SNTG1: variants seen among roughly 807,000 people sequenced by gnomAD.
SNTG1 encodes gamma-1-syntrophin.
A neutral mutation model predicts 74.7 loss-of-function variants in SNTG1; 39 were observed. The ratio of observed to expected loss-of-function variants is 0.52; its 90% CI spans 0.40 to 0.68. SNTG1 has a LOEUF of 0.68. Among genes scored for constraint, SNTG1 ranks in the 30% least tolerant of loss-of-function variants. SNTG1 has a pLI of 0.00. For synonymous variants in SNTG1, 254 were observed against 217.1 expected, an observed-to-expected ratio of 1.17 and a Z score of -1.49; for missense variants, 685 against 609.5, an observed-to-expected ratio of 1.12 and a Z score of -1.30.
At chr8:50,538,758 T>C (rs2094325738) in intron 11 of SNTG1, among the ~76,000 whole-genome samples, 1 of 152,170 alleles carries the variant, frequency 6.6e-6, no homozygotes, top group Non-Finnish European at 1.5e-5. Context: ...CCTTTATTCC[T>C]TCAAACACTT....
intron 2 of SNTG1, among the ~76,000 whole-genome samples, chr8:50,229,773 G>T (rs903568218): frequency 1.3e-5 from 2 of 151,388 alleles, no homozygotes; most frequent in African/African-American, 4.8e-5. Flanking sequence ...AGTGGCAAGA[G>T]AATTCAAATT....
chr8:50,333,670 T>C (rs2091042695), intron 2 of SNTG1, among the ~76,000 whole-genome samples: 1 of 152,220 alleles, frequency 6.6e-6, no homozygotes, highest in Non-Finnish European at 1.5e-5. Context: ...TCGCTTGAGT[T>C]CCCATCATGA....
chr8:50,030,400 C>T (rs932895471), intron 1 of SNTG1, among the ~76,000 whole-genome samples: 4 of 151,948 alleles, frequency 2.6e-5, no homozygotes, highest in Admixed American at 2.6e-4. Context: ...TGAGGTATTA[C>T]TCTCTAAGAA....
At chr8:50,642,257 A>G (rs1211684989) in intron 13 of SNTG1, among the ~76,000 whole-genome samples, 3 of 152,252 alleles carry the variant, frequency 2.0e-5, no homozygotes, top group Non-Finnish European at 4.4e-5. Flanking sequence ...CCTGCTGCCA[A>G]TGTTTCAAGT....
At chr8:50,692,368 C>T (rs1468868120) in intron 15 of SNTG1, among the ~76,000 whole-genome samples, 5 of 151,918 alleles carry the variant, frequency 3.3e-5, no homozygotes, top group Admixed American at 1.3e-4. Context: ...TTTTTTTTCC[C>T]ATCTTTGTGG....
chr8:50,080,259 T>C (rs1822284639), intron 1 of SNTG1, among the ~76,000 whole-genome samples: 1 of 152,206 alleles, frequency 6.6e-6, no homozygotes, highest in African/African-American at 2.4e-5. Context: ...ATCTATTTTG[T>C]CTGTTATTGA....
intron 1 of SNTG1, among the ~76,000 whole-genome samples, chr8:50,038,560 G>T (rs778447812): frequency 1.6e-4 from 24 of 152,052 alleles, no homozygotes; most frequent in Admixed American, 6.5e-4. Context: ...CATTGATTTA[G>T]ATCATTTTTC....
chr8:50,442,003 A>G (rs764631070), intron 5 of SNTG1, among the ~76,000 whole-genome samples: 1 of 152,214 alleles, frequency 6.6e-6, no homozygotes, highest in Non-Finnish European at 1.5e-5. Context: ...AAGCAAAAGT[A>G]AAGCCCGAAA....
chr8:50,498,188 A>G (rs542434158), intron 8 of SNTG1, among the ~76,000 whole-genome samples: 1 of 151,880 alleles, frequency 6.6e-6, no homozygotes, highest in South Asian at 2.1e-4. Flanking sequence ...TTGCTAAATT[A>G]TTTTCCAAAA....
chr8:50,786,227 A>T (rs2095674756), intron 18 of SNTG1, among the ~76,000 whole-genome samples: 1 of 152,018 alleles, frequency 6.6e-6, no homozygotes, highest in African/African-American at 2.4e-5. Context: ...TTTATATGTT[A>T]GCAATGGATT....
chr8:50,781,799 T>C (rs1447167235), intron 18 of SNTG1, among the ~76,000 whole-genome samples: 1 of 152,228 alleles, frequency 6.6e-6, no homozygotes, highest in African/African-American at 2.4e-5. Context: ...CTTCCTAGCC[T>C]TGATGGTCTT....
chr8:50,269,077 T>A (rs900202218), intron 2 of SNTG1, among the ~76,000 whole-genome samples: 1 of 152,174 alleles, frequency 6.6e-6, no homozygotes, highest in Non-Finnish European at 1.5e-5. Context: ...ACCTTACATC[T>A]TATACAAAAT....
intron 1 of SNTG1, among the ~76,000 whole-genome samples, chr8:50,021,032 G>A (rs1482931858): frequency 1.3e-5 from 2 of 152,100 alleles, no homozygotes. Context: ...TTAATCTACT[G>A]TGATGAATAT....
At chr8:50,489,745 G>T (rs2093833660) in intron 8 of SNTG1, among the ~76,000 whole-genome samples, 1 of 152,220 alleles carries the variant, frequency 6.6e-6, no homozygotes, top group African/African-American at 2.4e-5. Context: ...ACCGATGATA[G>T]TTTCTTTGGC....
intron 2 of SNTG1, among the ~76,000 whole-genome samples, chr8:50,194,203 T>C (rs577508026): frequency 6.6e-6 from 1 of 152,296 alleles, no homozygotes; most frequent in South Asian, 2.1e-4. Context: ...TAGGGAGGTT[T>C]CCTTCTTCCT....
At chr8:50,771,726 GC>G in intron 18 of SNTG1, among the ~76,000 whole-genome samples, 1 of 152,140 alleles carries the variant, frequency 6.6e-6, no homozygotes, top group Non-Finnish European at 1.5e-5. Context: ...CTCATCACAG[GC>G]TGAGAGGCCT....
chr8:50,131,555 C>G (rs1586406975), intron 1 of SNTG1, among the ~76,000 whole-genome samples: 1 of 152,208 alleles, frequency 6.6e-6, no homozygotes, highest in East Asian at 1.9e-4. Flanking sequence ...TACACACACA[C>G]ACAGACATTT....
At chr8:50,291,911 G>A (rs1450132) in intron 2 of SNTG1, among the ~76,000 whole-genome samples, 71,462 of 151,970 alleles carry the variant, frequency 0.47, 19,366 homozygotes, top group East Asian at 0.83. Flanking sequence ...GATGCTCTCC[G>A]TTGTTTTGGA....
chr8:50,515,905 C>G (rs560244809), intron 9 of SNTG1, among the ~76,000 whole-genome samples: 1 of 151,986 alleles, frequency 6.6e-6, no homozygotes, highest in Admixed American at 6.6e-5. Context: ...TCCTGCCTGC[C>G]GGCTCTGAAT....
Sources: allele counts gnomAD v4.1 joint callset (sites outside exome capture counted in the v4.1 genomes callset), GRCh38; gene constraint gnomAD v4.1.1; transcripts MANE v1.5; gene names NCBI Gene and HGNC (gene_info 2026-07-23, HGNC 2026-07-21).